The following GART variants were observed in gnomAD, a reference collection of about 807,000 sequenced individuals.
GART encodes trifunctional purine biosynthetic protein adenosine-3.
Under a neutral mutation model 107.2 loss-of-function variants are expected in GART, and 43 were observed. The observed-to-expected ratio is 0.40, with a 90% confidence interval of 0.31 to 0.52. The LOEUF (loss-of-function observed/expected upper bound fraction) is 0.52. Ranked by LOEUF, GART falls within the 20% of genes least tolerant of loss-of-function variation. The pLI, the probability that GART is intolerant of heterozygous loss-of-function variation, is 0.52. For missense variants in GART, 1,107 were observed against 1,206.5 expected (o/e 0.92, Z 1.22); for synonymous variants, 434 against 427.0 (o/e 1.02, Z -0.20).
intron 1 of GART, among the ~76,000 whole-genome samples, chr21:33,540,954 G>A (rs1186103921): frequency 6.6e-6 from 1 of 151,974 alleles, no homozygotes; most frequent in Non-Finnish European, 1.5e-5. Context: ...CAGGTAAGAG[G>A]GGGTGGAGCC....
At chr21:33,542,847 T>C, upstream of GART, 2 of 572,512 alleles carry the variant, frequency 3.5e-6, no homozygotes, top group Non-Finnish European at 6.3e-6. Context: ...CGTCAGACAC[T>C]AACATGGCGG....
chr21:33,530,648 A>T, intron 7 of GART, 111 bp downstream of exon 7: 1 of 1,110,032 alleles, frequency 9.0e-7, no homozygotes, highest in African/African-American at 1.6e-5. Context: ...TTAGTAACAT[A>T]ATTCATAGCA....
intron 16 of GART, among the ~76,000 whole-genome samples, chr21:33,515,652 C>CAAAAAAAAAAAAAAAAAAAAAAAAAGA (rs71194850): frequency 5.6e-5 from 2 of 35,878 alleles, no homozygotes; most frequent in Admixed American, 3.6e-4. Context: ...GACTCCAACT[C>CAAAAAAAAAAAAAAAAAAAAAAAAAGA]AAAAAAAAAA....
chr21:33,531,563 T>A lies in GART; in HGVS notation c.529-6A>T. The A allele has an allele frequency of 6.3e-7, 1 of 1,578,910 alleles. No individual in the cohort carries two copies. The highest frequency in any genetic ancestry group is 8.5e-7 in the Non-Finnish European group (1 of 1,171,584). ...GCTGCCCCAAAGGCTTTCTCCTGATTGTAAGATTTTTTTTTTTTTTTTTTT... is the reference window on the plus strand; with the variant it reads ...GCTGCCCCAAAGGCTTTCTCCTGATAGTAAGATTTTTTTTTTTTTTTTTTT... On this transcript the variant is annotated splice_polypyrimidine_tract_variant and splice_region_variant and intron_variant, in intron 5 of 21. Coordinates refer to ENST00000381815, the MANE Select transcript of GART (RefSeq NM_000819.5).
chr21:33,506,322 T>A (rs146536840), intron 18 of GART, among the ~76,000 whole-genome samples: 192 of 152,206 alleles, frequency 1.3e-3, no homozygotes, highest in Middle Eastern at 6.8e-3. Flanking sequence ...TTTTGTATTT[T>A]TAGTAGAGAT....
At chr21:33,520,650 A>G in intron 13 of GART, 88 bp from the exon 14 acceptor site, 1 of 1,187,518 alleles carries the variant, frequency 8.4e-7, no homozygotes, top group Non-Finnish European at 1.2e-6. Flanking sequence ...TAACACCTAA[A>G]AACAAAAGAA....
chr21:33,541,840 C>T (rs2085435898), intron 1 of GART, among the ~76,000 whole-genome samples: 1 of 152,136 alleles, frequency 6.6e-6, no homozygotes, highest in African/African-American at 2.4e-5. Flanking sequence ...TATAAAGACA[C>T]AAAAAGGCCT....
rs2084673975 is a variant in GART, at chr21:33,506,055, A to G, written c.2502T>C (p.Ser834=). 3 of 1,614,078 alleles carry G rather than the reference A, an allele frequency of 1.9e-6. No individual in the cohort carries two copies. The highest frequency in any genetic ancestry group is 1.3e-5 in the African/African-American group (1 of 74,926). The change falls in exon 19 of 22, where the codon TCT becomes TCC. Residue 834 remains serine (S), a synonymous_variant. Transcript: ENST00000381815. The stretch of plus-strand genomic sequence containing the variant: ...TGGAGATAACAATATCAATTTGTGC[A>G]GAGCTATTTGGTTCCCGAGTACTGT... ...LIDSTREPNS[S]AQIDIVISNK...
chr21:33,520,394 CT>C lies in GART; in HGVS notation c.1671del (p.Ala558LeufsTer28). ...AGAGCACATCCAGCTTTTCCACAAG[CT>C]TTAGCAATTCCAGCAACAACAGCTT... Reference protein sequence around the residue: ...VTEAVVAGIAKACGKAGCALL... With the variant: ...VTEAVVAGIAXACGKAGCALL... On this transcript the variant is annotated frameshift_variant, in exon 14 of 22. Transcript: ENST00000381815. LOFTEE classifies it high-confidence loss of function. 1 of 1,614,178 alleles carries C rather than the reference CT, an allele frequency of 6.2e-7. No individual in the cohort carries two copies. Among genetic ancestry groups the C allele is most frequent in the Middle Eastern group, 1.6e-4 (1 of 6,062 alleles).
At chr21:33,511,733 G>A (rs982557884) in intron 16 of GART, among the ~76,000 whole-genome samples, 1 of 152,096 alleles carries the variant, frequency 6.6e-6, no homozygotes, top group African/African-American at 2.4e-5. Flanking sequence ...TTCCCTAATG[G>A]ATCAGATGAG....
rs183971258 is a variant in GART at position 33,540,765 on chromosome 21, A to G, written c.-42+1300T>C. Among the ~76,000 whole-genome samples the G allele has an allele frequency of 1.2e-3, 181 of 152,346 alleles. 1 individual carries two copies. The highest frequency in any genetic ancestry group is 4.0e-3 in the African/African-American group (166 of 41,568). On this transcript the variant is annotated intron_variant, in intron 1 of 21. Transcript: ENST00000381815. ...GATGATGTTGGGATTACATATTTTA[A>G]GAAAAATGTAAGCTGACAATATACA...
intron 6 of GART, chr21:33,531,242 A>T (rs907293887): frequency 3.7e-5 from 17 of 457,588 alleles, no homozygotes; most frequent in African/African-American, 3.2e-4. Context: ...TGAATGCTTG[A>T]ATTAATCCAG....
intron 12 of GART, 21 bp downstream of exon 12, chr21:33,522,167 G>A (rs777293754): frequency 1.9e-6 from 3 of 1,562,608 alleles, no homozygotes; most frequent in East Asian, 4.5e-5. Context: ...TAATGAATTA[G>A]CAAAGTATAG....
rs758549774 is a variant in GART, at chr21:33,504,143, C to T, written c.3014G>A (p.Cys1005Tyr). Residue 1005 changes from cysteine to tyrosine, a missense_variant, in exon 22 of 22, where the codon TGT becomes TAT. Coordinates refer to ENST00000381815, the MANE Select transcript of GART (RefSeq NM_000819.5). Reference sequence around the variant, plus strand: ...AAGGCTTCATTCCTCTTTAACCCAACAGATCTTGCCATTTTCTCCAAGCTG... The same window carrying T: ...AAGGCTTCATTCCTCTTTAACCCAATAGATCTTGCCATTTTCTCCAAGCTG... ...TVQLGENGKI[C>Y]WVKEE The T allele has an allele frequency of 1.9e-6, 3 of 1,612,836 alleles. No individual in the cohort carries two copies. The highest frequency in any genetic ancestry group is 1.7e-5 in the Admixed American group (1 of 59,788).
intron 14 of GART, among the ~76,000 whole-genome samples, chr21:33,519,376 A>AC (rs556949036): frequency 3.9e-3 from 587 of 152,040 alleles, no homozygotes; most frequent in Non-Finnish European, 5.7e-3. Flanking sequence ...ACACGGTGAA[A>AC]CCCCATCTCT....
intron 2 of GART, 103 bp downstream of exon 2, chr21:33,539,068 C>A: frequency 8.6e-7 from 1 of 1,162,296 alleles, no homozygotes; most frequent in African/African-American, 1.6e-5. Flanking sequence ...GCATTAGCCA[C>A]TGTGCCCAGC....
At chr21:33,507,097 A>C (rs952601515) in intron 18 of GART, among the ~76,000 whole-genome samples, 3 of 152,222 alleles carry the variant, frequency 2.0e-5, no homozygotes, top group African/African-American at 7.2e-5. Flanking sequence ...TATCAAAGAG[A>C]TACCTGCAGT....
intron 14 of GART, chr21:33,518,736 C>G (rs1033707056): frequency 1.1e-5 from 5 of 442,424 alleles, no homozygotes; most frequent in Admixed American, 1.0e-4. Flanking sequence ...ACTTCATCAC[C>G]ATCCCCTCCA....
Position 33,509,744 on chromosome 21 carries a change from A to G in GART, c.2452+39T>C, listed in dbSNP as rs562798932. On this transcript the variant is annotated intron_variant, in intron 18 of 21. Transcript: ENST00000381815. Reference sequence around the variant, plus strand: ...AGAGTGCGGGGAGGAAAGGAAGGGCAGTCAACAGCTCTACAGTGAAGGGGA... The same window carrying G: ...AGAGTGCGGGGAGGAAAGGAAGGGCGGTCAACAGCTCTACAGTGAAGGGGA... 15 of 1,603,352 alleles carry G rather than the reference A, an allele frequency of 9.4e-6. No homozygotes were observed. In the East Asian group the frequency reaches 2.2e-4, roughly 24 times the overall value.
Sources: allele counts gnomAD v4.1 joint callset (sites outside exome capture counted in the v4.1 genomes callset), GRCh38; gene constraint gnomAD v4.1.1; transcripts MANE v1.5; gene names NCBI Gene and HGNC (gene_info 2026-07-23, HGNC 2026-07-21).